PADI4: variants seen among roughly 807,000 people sequenced by gnomAD.
PADI4 encodes peptidyl arginine deiminase 4, also known as protein-arginine deiminase type-4.
A neutral mutation model predicts 75.0 loss-of-function variants in PADI4; 62 were observed. The ratio of observed to expected loss-of-function variants is 0.83; its 90% CI spans 0.67 to 1.02. The LOEUF (loss-of-function observed/expected upper bound fraction) is 1.02, where lower values mean the gene tolerates loss of function less well. PADI4 is among the 50% of genes least tolerant of loss of function. The pLI, the probability that PADI4 is intolerant of heterozygous loss-of-function variation, is 0.00. For synonymous variants in PADI4, 361 were observed against 348.1 expected, an observed-to-expected ratio of 1.04 and a Z score of -0.41; for missense variants, 845 against 850.5, an observed-to-expected ratio of 0.99 and a Z score of 0.08.
In PADI4 at chr1:17,346,372, C is replaced by T. The variant is rs1420131426; in HGVS notation, c.1047+233C>T. ...CAGTCACCAAGATGAAGCCACCTTC[C>T]TGCTTGAAAACACTCAGGTGGCCTC... On this transcript the variant is annotated intron_variant, in intron 9 of 15. Transcript: ENST00000375448. This position sits in a 1 kb window ranked among gnomAD's most constrained non-coding sequence, Gnocchi z 4.3. Among the ~76,000 whole-genome samples the T allele has an allele frequency of 2.0e-5, 3 of 152,198 alleles. No homozygotes were observed. The highest frequency in any genetic ancestry group is 7.2e-5 in the African/African-American group (3 of 41,454).
At chr1:17,331,269 C>G in intron 2 of PADI4, 120 bp downstream of exon 2, 1 of 763,246 alleles carries the variant, frequency 1.3e-6, no homozygotes, top group South Asian at 1.8e-5. Flanking sequence ...TGTGGAAGAG[C>G]TCGTGATGGC....
intron 10 of PADI4, among the ~76,000 whole-genome samples, chr1:17,350,673 CACA>C (rs1449404528): frequency 7.7e-6 from 1 of 130,446 alleles, no homozygotes; most frequent in Non-Finnish European, 1.7e-5. Flanking sequence ...GACCCCCTCT[CACA>C]ACAACAGCCA....
chr1:17,360,109 G>C (rs1186789106), intron 15 of PADI4, among the ~76,000 whole-genome samples: 1 of 152,114 alleles, frequency 6.6e-6, no homozygotes, highest in Non-Finnish European at 1.5e-5. Flanking sequence ...GGCTAACATG[G>C]TGACACCCCC....
intron 15 of PADI4, among the ~76,000 whole-genome samples, chr1:17,360,996 A>C (rs947230146): frequency 1.1e-4 from 16 of 152,140 alleles, no homozygotes; most frequent in African/African-American, 3.9e-4. Flanking sequence ...TCTTCAGAGC[A>C]TACCCGAGAC....
chr1:17,347,238 C>T (rs2074533213), intron 9 of PADI4, among the ~76,000 whole-genome samples: 1 of 152,128 alleles, frequency 6.6e-6, no homozygotes, highest in Admixed American at 6.5e-5. Flanking sequence ...CACCTGGCCG[C>T]CATTCCATTT....
At chr1:17,321,229 C>T (rs1174790748) in intron 1 of PADI4, among the ~76,000 whole-genome samples, 1 of 152,056 alleles carries the variant, frequency 6.6e-6, no homozygotes, top group African/African-American at 2.4e-5. Flanking sequence ...AGATGAGGGG[C>T]AGGTGAGAAG....
chr1:17,317,460 G>A (rs887530840), intron 1 of PADI4, among the ~76,000 whole-genome samples: 1 of 151,224 alleles, frequency 6.6e-6, no homozygotes, highest in South Asian at 2.1e-4. Flanking sequence ...TAGTACAGAC[G>A]GGGATTCACC....
chr1:17,331,635 TGGCC>T (rs1264371283), intron 2 of PADI4, among the ~76,000 whole-genome samples: 1 of 30,538 alleles, frequency 3.3e-5, no homozygotes, highest in Non-Finnish European at 8.3e-5. Context: ...CATGGTGGCC[TGGCC>T]GGGCACAGTG....
intron 15 of PADI4, among the ~76,000 whole-genome samples, chr1:17,362,500 C>T (rs1268166002): frequency 6.6e-6 from 1 of 151,838 alleles, no homozygotes; most frequent in Non-Finnish European, 1.5e-5. Context: ...TACACATAGA[C>T]ACAGAGATGG....
At chr1:17,355,598 G>T (rs1301981879) in intron 11 of PADI4, among the ~76,000 whole-genome samples, 6 of 150,328 alleles carry the variant, frequency 4.0e-5, no homozygotes. Flanking sequence ...TTTTTTTTAG[G>T]AGAAAACTGA....
At chr1:17,342,666 G>A (rs2074444646) in intron 8 of PADI4, among the ~76,000 whole-genome samples, 2 of 152,096 alleles carry the variant, frequency 1.3e-5, no homozygotes, top group African/African-American at 4.8e-5. Flanking sequence ...GAAACTCCTG[G>A]GAACTCATTT....
chr1:17,360,401 C>G (rs1030159366), intron 15 of PADI4, among the ~76,000 whole-genome samples: 2 of 152,052 alleles, frequency 1.3e-5, no homozygotes, highest in Non-Finnish European at 2.9e-5. Flanking sequence ...TGCTTATGTC[C>G]CTATCTGGTT....
chr1:17,332,286 G>T (rs1032485419), intron 2 of PADI4, among the ~76,000 whole-genome samples: 1 of 152,050 alleles, frequency 6.6e-6, no homozygotes, highest in Non-Finnish European at 1.5e-5. Flanking sequence ...TCGCTCTGTC[G>T]CCCAGGCTGG....
intron 13 of PADI4, among the ~76,000 whole-genome samples, chr1:17,357,791 C>T (rs1019165392): frequency 7.9e-4 from 120 of 151,654 alleles, no homozygotes; most frequent in African/African-American, 2.7e-3. Flanking sequence ...ATTAGCCGGG[C>T]GTGGTGGCGG....
chr1:17,318,142 C>T (rs1270246309), intron 1 of PADI4, among the ~76,000 whole-genome samples: 1 of 152,166 alleles, frequency 6.6e-6, no homozygotes, highest in Non-Finnish European at 1.5e-5. Context: ...GCTGCTGTTC[C>T]GAAGACCACA....
chr1:17,341,553 C>G (rs978548238), intron 6 of PADI4, among the ~76,000 whole-genome samples: 2 of 152,188 alleles, frequency 1.3e-5, no homozygotes, highest in Non-Finnish European at 2.9e-5. Flanking sequence ...CCTACTCACC[C>G]GTAAGACTGT....
chr1:17,333,366 G>A (rs2074250559), intron 2 of PADI4, among the ~76,000 whole-genome samples: 1 of 151,984 alleles, frequency 6.6e-6, no homozygotes, highest in Non-Finnish European at 1.5e-5. Context: ...CCGCCATTTT[G>A]CTTGGATGTG....
intron 6 of PADI4, among the ~76,000 whole-genome samples, chr1:17,341,519 C>T (rs2074418018): frequency 1.3e-5 from 2 of 152,182 alleles, no homozygotes; most frequent in Admixed American, 1.3e-4. Context: ...CAGCTGTCTG[C>T]TATTTTCATG....
At chr1:17,315,754 C>T (rs866777539) in intron 1 of PADI4, among the ~76,000 whole-genome samples, 1 of 151,968 alleles carries the variant, frequency 6.6e-6, no homozygotes, top group South Asian at 2.1e-4. Context: ...TGCTGTGACC[C>T]ACACCCTTTT....
Sources: gnomAD v4.1 joint callset for allele counts (sites outside exome capture counted in the v4.1 genomes callset) on GRCh38, gnomAD v4.1.1 for gene constraint, Gnocchi (gnomAD v3.1) non-coding constraint, MANE v1.5 for transcripts, NCBI Gene and HGNC (gene_info 2026-07-23, HGNC 2026-07-21) for gene names.